The following ATP10B variants were observed in gnomAD, a reference collection of about 807,000 sequenced individuals.
ATP10B encodes ATPase phospholipid transporting 10B (putative).
Under a neutral mutation model 141.2 loss-of-function variants are expected in ATP10B, and 122 were observed. That is an observed-to-expected ratio of 0.86 (90% confidence interval 0.75 to 1.00). The LOEUF is 1.00. Ranked by LOEUF, ATP10B falls within the 50% of genes least tolerant of loss-of-function variation. The pLI, the probability that ATP10B is intolerant of heterozygous loss-of-function variation, is 0.00. For synonymous variants in ATP10B, 685 were observed against 692.0 expected (o/e 0.99, Z 0.16); for missense variants, 1,876 against 1,825.3 (o/e 1.03, Z -0.51).
chr5:160,580,778 C>CCA (rs1755495733), intron 24 of ATP10B, among the ~76,000 whole-genome samples: 1 of 152,132 alleles, frequency 6.6e-6, no homozygotes. Context: ...GCTGTGAATC[C>CCA]GTCTGGTCCT....
At chr5:160,665,387 C>T (rs75905340) in intron 7 of ATP10B, among the ~76,000 whole-genome samples, 2 of 152,320 alleles carry the variant, frequency 1.3e-5, no homozygotes, top group Non-Finnish European at 2.9e-5. Flanking sequence ...GTCTGTACCA[C>T]AATTCAGGCT....
chr5:160,648,926 GTTTTT>G (rs367848503), intron 8 of ATP10B, among the ~76,000 whole-genome samples: 2 of 131,082 alleles, frequency 1.5e-5, no homozygotes, highest in Non-Finnish European at 3.2e-5. Flanking sequence ...TTTTACTAAG[GTTTTT>G]TTTTTTTTTT....
chr5:160,785,519 G>A (rs1248291248), intron 2 of ATP10B, 40 bp downstream of exon 2: 2 of 478,788 alleles, frequency 4.2e-6, no homozygotes, highest in Non-Finnish European at 8.0e-6. Flanking sequence ...TGAGGTTTGG[G>A]CTTCTAATGA....
the ATP10B span, among the ~76,000 whole-genome samples, chr5:160,875,366 A>C: frequency 2.0e-5 from 2 of 100,162 alleles, no homozygotes; most frequent in Admixed American, 2.0e-4. Context: ...GCCTGCTCTA[A>C]AAGAGCTCCT....
chr5:160,810,076 T>G (rs529549694), intron 1 of ATP10B, among the ~76,000 whole-genome samples: 212 of 152,330 alleles, frequency 1.4e-3, no homozygotes, highest in African/African-American at 4.9e-3. Flanking sequence ...TTTCTTTACA[T>G]GATGAATTTT....
At chr5:160,657,908 T>G (rs2127708307) in intron 7 of ATP10B, among the ~76,000 whole-genome samples, 1 of 152,316 alleles carries the variant, frequency 6.6e-6, no homozygotes, top group East Asian at 1.9e-4. Context: ...TATGGGCAGG[T>G]GCCATCAGAT....
chr5:160,615,890 A>G lies in ATP10B; in HGVS notation c.2601T>C (p.Asp867=), dbSNP rs776686952. Residue 867 remains aspartate, a synonymous_variant, in exon 17 of 26, where the codon GAT becomes GAC. Coordinates refer to ENST00000327245, the MANE Select transcript of ATP10B (RefSeq NM_025153.3). ...GCTGTGCAGTTTCCATGAGAAGCTC[A>G]TCTCGGTTGTCGAGGGATGCCTCAG... The part of the protein sequence containing the change: ...REAEASLDNR[D]ELLMETAQHL... 28 of 1,612,460 alleles carry G rather than the reference A, an allele frequency of 1.7e-5. No individual in the cohort carries two copies. The highest frequency in any genetic ancestry group is 2.4e-5 in the Non-Finnish European group (28 of 1,178,954).
Position 160,755,709 on chromosome 5 carries a change from G to A in ATP10B, c.-331+29850C>T, listed in dbSNP as rs867854523. ...GGGCGCCTGTAGTCCCAGCTACGCG[G>A]GAAGCTGAGGCAGGAGAATGGCGTG... On this transcript the variant is annotated intron_variant, in intron 2 of 25. Coordinates refer to ENST00000327245, the MANE Select transcript of ATP10B (RefSeq NM_025153.3). Among the ~76,000 whole-genome samples the A allele has an allele frequency of 3.1e-3, 462 of 147,520 alleles. 2 individuals are homozygous for A. The highest frequency in any genetic ancestry group is 0.011 in the African/African-American group (438 of 40,720).
In ATP10B at chr5:160,644,195, G is replaced by A. The variant is rs771329377; in HGVS notation, c.811C>T (p.Leu271Phe). Residue 271 changes from leucine to phenylalanine, a missense_variant, in exon 9 of 26, where the codon CTT becomes TTT. Transcript: ENST00000327245. ...RTGFGCESLL[L>F]RGCTIRNTEM... ...GTGTTTCTGATGGTGCAGCCTCGAA[G>A]CAGAAGACTCTCACAGCCAAAGCCA... 1 of 1,614,042 alleles carries A rather than the reference G, an allele frequency of 6.2e-7. No homozygotes were observed. The highest frequency in any genetic ancestry group is 1.7e-5 in the Admixed American group (1 of 60,010).
rs780086265 is a variant in ATP10B at position 160,622,399 on chromosome 5, G to T, written c.1807C>A (p.Gln603Lys). Residue 603 changes from glutamine (Q) to lysine (K), a missense_variant, in exon 14 of 26, where the codon CAG (glutamine) becomes AAG (lysine). Gln to Lys is a moderately conservative substitution (Grantham distance 53). Coordinates refer to ENST00000327245, the MANE Select transcript of ATP10B (RefSeq NM_025153.3). ...CAGCCATCGCTGGTCCTTACCCTCTGCCTGGGCTCGGTGGTTGTGGACACC... is the reference window on the plus strand; with the variant it reads ...CAGCCATCGCTGGTCCTTACCCTCTTCCTGGGCTCGGTGGTTGTGGACACC... ...VMVSTTTEPR[Q>K]RVTIKPSSKA... 6.2e-6 allele frequency: 10 copies of T among 1,611,730 alleles called. No homozygotes were observed. In the Admixed American group the frequency reaches 1.5e-4, roughly 24 times the overall value.
chr5:160,871,860 G>A, the ATP10B span, among the ~76,000 whole-genome samples: 2 of 151,896 alleles, frequency 1.3e-5, no homozygotes, highest in African/African-American at 4.8e-5. Context: ...TGACTTTTTT[G>A]TATAATGACT....
intron 1 of ATP10B, among the ~76,000 whole-genome samples, chr5:160,798,384 T>A (rs535259916): frequency 1.3e-5 from 2 of 152,182 alleles, no homozygotes; most frequent in Non-Finnish European, 1.5e-5. Context: ...TGGAGTAGAG[T>A]GGGCCCTAAC....
chr5:160,902,951 G>A, the ATP10B span, among the ~76,000 whole-genome samples: 4 of 152,300 alleles, frequency 2.6e-5, no homozygotes, highest in South Asian at 2.1e-4. Context: ...GTGTTTGAAC[G>A]GGTGCACGTG....
chr5:160,866,806 G>T, the ATP10B span, among the ~76,000 whole-genome samples: 1 of 151,996 alleles, frequency 6.6e-6, no homozygotes, highest in African/African-American at 2.4e-5. Flanking sequence ...TTGGGTGGCG[G>T]GTGCACCAAA....
At chr5:160,690,181 C>T (rs1763989344) in intron 3 of ATP10B, among the ~76,000 whole-genome samples, 1 of 152,156 alleles carries the variant, frequency 6.6e-6, no homozygotes, top group Non-Finnish European at 1.5e-5. Context: ...GGACACCTTC[C>T]TTACACATTA....
At chr5:160,894,861 A>G in the ATP10B span, among the ~76,000 whole-genome samples, 1 of 152,258 alleles carries the variant, frequency 6.6e-6, no homozygotes, top group Non-Finnish European at 1.5e-5. Flanking sequence ...ATCTCTCTGC[A>G]GAAAAACTAC....
At chr5:160,645,250 C>T (rs1760196568) in intron 8 of ATP10B, among the ~76,000 whole-genome samples, 1 of 152,138 alleles carries the variant, frequency 6.6e-6, no homozygotes, top group South Asian at 2.1e-4. Context: ...TGGCTTCTGG[C>T]CTTACAAGGA....
intron 7 of ATP10B, among the ~76,000 whole-genome samples, chr5:160,660,722 A>G (rs1412535856): frequency 6.6e-6 from 1 of 152,222 alleles, no homozygotes; most frequent in Admixed American, 6.5e-5. Context: ...GTGCCTTGAG[A>G]TGGTAGCACA....
intron 2 of ATP10B, among the ~76,000 whole-genome samples, chr5:160,727,296 A>C (rs6891338): frequency 0.022 from 3,294 of 152,316 alleles, 128 homozygotes; most frequent in African/African-American, 0.075. Flanking sequence ...CACAGGAGAA[A>C]ACTGAGGCTT....
Sources: gnomAD v4.1 joint callset for allele counts (sites outside exome capture counted in the v4.1 genomes callset) on GRCh38, gnomAD v4.1.1 for gene constraint, MANE v1.5 for transcripts, NCBI Gene and HGNC (gene_info 2026-07-23, HGNC 2026-07-21) for gene names.